RSRP1: variants seen among roughly 807,000 people sequenced by gnomAD.
RSRP1 encodes arginine and serine rich protein 1.
Under a neutral mutation model 33.0 loss-of-function variants are expected in RSRP1, and 37 were observed. The ratio of observed to expected loss-of-function variants is 1.12; its 90% CI spans 0.86 to 1.48. RSRP1 has a LOEUF of 1.48. RSRP1 is among the 40% of genes most tolerant of loss of function. RSRP1 has a pLI of 0.00. For missense variants in RSRP1, 402 were observed against 385.3 expected, an observed-to-expected ratio of 1.04 and a Z score of -0.36; for synonymous variants, 167 against 158.7, an observed-to-expected ratio of 1.05 and a Z score of -0.40.
rs1257304659 is a variant in RSRP1, at chr1:25,295,738, C to T, written c.-67+42240G>A. Among the ~76,000 whole-genome samples the T allele has an allele frequency of 4.7e-5, 5 of 107,212 alleles. 1 individual carries two copies. Among genetic ancestry groups the T allele is most frequent in the Non-Finnish European group, 1.1e-4 (5 of 44,816 alleles). 70.3% of individuals were successfully genotyped at this position (107,212 alleles called of 152,430 possible). A position where few individuals can be genotyped will look rare whatever the true frequency, so the allele number is the denominator to read the frequency against. ...ACATCATCAGTGACCAAGAGGCGGC[C>T]GGGAGGCTGAGACCACAGCAAGAAA... On this transcript the variant is annotated intron_variant, in intron 1 of 1. Coordinates refer to the RSRP1 transcript ENST00000561867.
chr1:25,290,123 G>A (rs1304727076), intron 1 of RSRP1, among the ~76,000 whole-genome samples: 1 of 128,134 alleles, frequency 7.8e-6, no homozygotes, highest in Admixed American at 7.6e-5. Context: ...ACTGGAAGCC[G>A]GGCTTGTCCT....
At chr1:25,264,393 A>G (rs905853691) in intron 1 of RSRP1, among the ~76,000 whole-genome samples, 1 of 151,430 alleles carries the variant, frequency 6.6e-6, no homozygotes, top group African/African-American at 2.4e-5. Context: ...ACTTCTGTGC[A>G]CTCGCAGTCT....
intron 3 of RSRP1, chr1:25,244,282 TACA>T: frequency 3.1e-6 from 4 of 1,288,880 alleles, no homozygotes; most frequent in Non-Finnish European, 4.0e-6. Flanking sequence ...GCCCCACCGT[TACA>T]ACGTGTACCT....
chr1:25,305,545 C>A lies in RSRP1; in HGVS notation c.-67+32433G>T, dbSNP rs1476858235. Among the ~76,000 whole-genome samples, 2 of 128,632 alleles carry A rather than the reference C, an allele frequency of 1.6e-5. 1 individual carries two copies. The highest frequency in any genetic ancestry group is 3.7e-5 in the Non-Finnish European group (2 of 54,716). The allele number at this position is 128,632 out of a possible 152,430, so 84.4% of individuals were successfully genotyped here. A position where few individuals can be genotyped will look rare whatever the true frequency, so the allele number is the denominator to read the frequency against. ...CTGAGTAGCTGGGATTACAGGTGCCCACCACCATGCCTGGCTAATTTTCGT... is the reference window on the plus strand; with the variant it reads ...CTGAGTAGCTGGGATTACAGGTGCCAACCACCATGCCTGGCTAATTTTCGT... On this transcript the variant is annotated intron_variant, in intron 1 of 1. Transcript: ENST00000561867.
intron 4 of RSRP1, 140 bp downstream of exon 4, chr1:25,243,410 G>T: frequency 9.3e-7 from 1 of 1,073,662 alleles, no homozygotes; most frequent in Non-Finnish European, 1.3e-6. Flanking sequence ...TATAAAAGTG[G>T]CTCAAAAACA....
chr1:25,260,861 G>A (rs369884861), intron 1 of RSRP1, among the ~76,000 whole-genome samples: 43 of 150,492 alleles, frequency 2.9e-4, no homozygotes, highest in South Asian at 1.9e-3. Flanking sequence ...GCAGTGGCCC[G>A]ATCGATCTCG....
rs757208377 is a variant in RSRP1 at position 25,330,515 on chromosome 1, T to A, written c.-67+7463A>T. On this transcript the variant is annotated intron_variant, in intron 1 of 1. Transcript: ENST00000561867. ...ACTGTGAATTAATTTTTCTAGGACT[T>A]TTAAACTATAAGCACTATTTGCACA... 3 of 133,226 alleles carry A rather than the reference T, an allele frequency of 2.3e-5. 1 individual carries two copies. Among genetic ancestry groups the A allele is most frequent in the Non-Finnish European group, 5.3e-5 (3 of 56,220 alleles). 8.3% of individuals were successfully genotyped at this position (133,226 alleles called of 1,614,324 possible).
In RSRP1 at chr1:25,309,020, CTA is replaced by C. The variant is rs1643999617; in HGVS notation, c.-67+28956_-67+28957del. 1.5e-5 allele frequency among the ~76,000 whole-genome samples: 2 copies of C among 132,110 alleles called. 1 individual carries two copies. The highest frequency in any genetic ancestry group is 3.6e-5 in the Non-Finnish European group (2 of 56,014). 86.7% of individuals were successfully genotyped at this position (132,110 alleles called of 152,430 possible). A position where few individuals can be genotyped will look rare whatever the true frequency, so the allele number is the denominator to read the frequency against. On this transcript the variant is annotated intron_variant, in intron 1 of 1. Coordinates refer to the RSRP1 transcript ENST00000561867. ...ATGCTGCATCCGTATGAGGACATCTCTATGTAATGGAAAGATGGAGAGAGGAT... is the reference window on the plus strand; with the variant it reads ...ATGCTGCATCCGTATGAGGACATCTCTGTAATGGAAAGATGGAGAGAGGAT...
In RSRP1 at chr1:25,332,294, T is replaced by C. The variant is rs554859998; in HGVS notation, c.-67+5684A>G. Reference sequence around the variant, plus strand: ...TCAAGTGATCCTCCTGCCTCGGCCTTCCAAAGTGCTGGGATTACAGGTGTG... The same window carrying C: ...TCAAGTGATCCTCCTGCCTCGGCCTCCCAAAGTGCTGGGATTACAGGTGTG... On this transcript the variant is annotated intron_variant, in intron 1 of 1. Transcript: ENST00000561867. 7.1e-3 allele frequency among the ~76,000 whole-genome samples: 924 copies of C among 130,002 alleles called. 213 individuals carry two copies. The highest frequency in any genetic ancestry group is 0.012 in the Non-Finnish European group (673 of 54,950). 85.3% of individuals were successfully genotyped at this position (130,002 alleles called of 152,430 possible). A position where few individuals can be genotyped will look rare whatever the true frequency, so the allele number is the denominator to read the frequency against.
At chr1:25,302,187 A>G (rs1178342290) in intron 1 of RSRP1, among the ~76,000 whole-genome samples, 8 of 131,492 alleles carry the variant, frequency 6.1e-5, no homozygotes, top group African/African-American at 2.1e-4. Flanking sequence ...TGGTGCATGT[A>G]AAGTGCTTAA....
intron 1 of RSRP1, among the ~76,000 whole-genome samples, chr1:25,279,494 A>G (rs1186237551): frequency 8.0e-6 from 1 of 124,452 alleles, no homozygotes; most frequent in Non-Finnish European, 1.9e-5. Flanking sequence ...CTAGGTAGGT[A>G]GGGTTTGAAT....
In RSRP1 at chr1:25,246,942, T is replaced by A. The variant is rs892286700; in HGVS notation, c.22A>T (p.Met8Leu). ...TTCTCCTGCGGCGAGCCCGGCCACATGTCGTTCACGTAGTTGGACATCTTC... is the reference window on the plus strand; with the variant it reads ...TTCTCCTGCGGCGAGCCCGGCCACAAGTCGTTCACGTAGTTGGACATCTTC... Reference protein sequence around the residue: MSNYVNDMWPGSPQEKDS... With the variant: MSNYVNDLWPGSPQEKDS... The change falls in exon 2 of 5, where the codon ATG (methionine) becomes TTG (leucine). Residue 8 changes from methionine to leucine, a missense_variant. Met to Leu is a conservative substitution (Grantham distance 15, BLOSUM62 2). Coordinates refer to ENST00000243189, the MANE Select transcript of RSRP1 (RefSeq NM_020317.5). The A allele has an allele frequency of 8.2e-6, 13 of 1,585,790 alleles. No individual in the cohort carries two copies. In the Middle Eastern group the frequency reaches 1.2e-3, roughly 148 times the overall value.
intron 1 of RSRP1, chr1:25,301,809 G>A (rs1643412704): frequency 3.9e-6 from 3 of 778,266 alleles, no homozygotes; most frequent in East Asian, 2.5e-5. Flanking sequence ...GTGGAGCTGT[G>A]CCTGCCTCTA....
intron 3 of RSRP1, chr1:25,244,462 T>A (rs540853890): frequency 7.8e-7 from 1 of 1,289,344 alleles, no homozygotes; most frequent in South Asian, 1.2e-5. Flanking sequence ...ACCAACAGAT[T>A]TTCTTCATCA....
At chr1:25,287,884 T>G (rs113602313) in intron 1 of RSRP1, among the ~76,000 whole-genome samples, 2,816 of 124,512 alleles carry the variant, frequency 0.023, 438 homozygotes, top group African/African-American at 0.068. Flanking sequence ...TACCATGCCC[T>G]GCTAATTTTT....
At chr1:25,251,933 C>T (rs1455085181), upstream of RSRP1, among the ~76,000 whole-genome samples, 2 of 151,710 alleles carry the variant, frequency 1.3e-5, no homozygotes, top group Non-Finnish European at 2.9e-5. Flanking sequence ...CTCTCTTGCC[C>T]AGACTGAAGT....
At chr1:25,334,932 G>C (rs1220142128) in intron 1 of RSRP1, among the ~76,000 whole-genome samples, 2 of 125,222 alleles carry the variant, frequency 1.6e-5, no homozygotes, top group Non-Finnish European at 3.7e-5. Context: ...TGATGGGAGG[G>C]GTTGCCATAA....
At chr1:25,265,496 T>G in intron 1 of RSRP1, among the ~76,000 whole-genome samples, 1 of 105,708 alleles carries the variant, frequency 9.5e-6, no homozygotes, top group Non-Finnish European at 2.2e-5. Context: ...TGAGACAGAG[T>G]CTCACCTGTT....
intron 1 of RSRP1, among the ~76,000 whole-genome samples, chr1:25,286,119 C>G (rs370995039): frequency 7.4e-6 from 1 of 135,246 alleles, no homozygotes; most frequent in African/African-American, 2.6e-5. Context: ...CTCCAGAGTG[C>G]TCAGAACATG....
Sources: allele counts gnomAD v4.1 joint callset (sites outside exome capture counted in the v4.1 genomes callset), GRCh38; gene constraint gnomAD v4.1.1; transcripts MANE v1.5; gene names NCBI Gene and HGNC (gene_info 2026-07-23, HGNC 2026-07-21).